Variants in SSBP2 observed in about 807,000 individuals in gnomAD.
The protein encoded by SSBP2 is single stranded DNA binding protein 2.
A neutral mutation model predicts 61.8 loss-of-function variants in SSBP2; 17 were observed. The observed-to-expected ratio is 0.28, with a 90% CI of 0.19 to 0.41. SSBP2 has a LOEUF of 0.41. Among genes scored for constraint, SSBP2 ranks in the 10% least tolerant of loss-of-function variants. SSBP2 has a pLI of 1.00. For synonymous variants in SSBP2, 139 were observed against 141.3 expected, an observed-to-expected ratio of 0.98 and a Z score of 0.12; for missense variants, 310 against 458.7, an observed-to-expected ratio of 0.68 and a Z score of 2.96.
chr5:81,491,781 AAAC>A (rs1171443657), intron 5 of SSBP2, among the ~76,000 whole-genome samples: 1 of 152,230 alleles, frequency 6.6e-6, no homozygotes, highest in Non-Finnish European at 1.5e-5. Context: ...CAAAAAGACA[AAAC>A]AATCGGTTAA....
At chr5:81,435,711 T>C (rs2153942260) in intron 15 of SSBP2, among the ~76,000 whole-genome samples, 1 of 152,354 alleles carries the variant, frequency 6.6e-6, no homozygotes, top group Middle Eastern at 3.4e-3. Context: ...TTTATATCTA[T>C]CTTATGTAAA....
intron 4 of SSBP2, among the ~76,000 whole-genome samples, chr5:81,517,282 A>G (rs1186921374): frequency 6.6e-6 from 1 of 151,592 alleles, no homozygotes; most frequent in Non-Finnish European, 1.5e-5. Context: ...TAACAGATCA[A>G]TTTGCATGCT....
At chr5:81,473,171 A>G (rs1384881457) in intron 8 of SSBP2, among the ~76,000 whole-genome samples, 1 of 152,164 alleles carries the variant, frequency 6.6e-6, no homozygotes, top group Non-Finnish European at 1.5e-5. Flanking sequence ...GTTTGTTTAC[A>G]TATGTGAAGG....
intron 9 of SSBP2, among the ~76,000 whole-genome samples, chr5:81,466,497 C>T (rs1023884847): frequency 6.6e-6 from 1 of 151,824 alleles, no homozygotes; most frequent in Non-Finnish European, 1.5e-5. Context: ...CCCAACAAAG[C>T]AAAAGTAGAG....
intron 12 of SSBP2, 71 bp downstream of exon 12, chr5:81,446,797 T>A: frequency 6.8e-7 from 1 of 1,474,624 alleles, no homozygotes; most frequent in Non-Finnish European, 9.3e-7. Flanking sequence ...CTTTATTTCA[T>A]GAACAATTTC....
chr5:81,457,702 C>T (rs916224498), intron 10 of SSBP2, among the ~76,000 whole-genome samples: 5 of 151,814 alleles, frequency 3.3e-5, no homozygotes, highest in South Asian at 2.1e-4. Flanking sequence ...ACTCTTGTTG[C>T]CCAGGCTGGA....
chr5:81,553,034 C>A (rs1025370028), intron 4 of SSBP2, among the ~76,000 whole-genome samples: 3 of 152,110 alleles, frequency 2.0e-5, no homozygotes, highest in Non-Finnish European at 4.4e-5. Context: ...TAATGAGACT[C>A]CATGACTGCT....
At chr5:81,663,329 A>G (rs550443890) in intron 1 of SSBP2, among the ~76,000 whole-genome samples, 2 of 152,308 alleles carry the variant, frequency 1.3e-5, no homozygotes, top group East Asian at 3.9e-4. Context: ...GACTATATAT[A>G]ACAAATCATT....
chr5:81,574,343 C>T lies in SSBP2; in HGVS notation c.282+41130G>A, dbSNP rs1158682815. On this transcript the variant is annotated intron_variant, in intron 4 of 16. Transcript: ENST00000320672. ...AGCCCAACTGAAAAAAAATAATGGG[C>T]TAAGAAGTCAGAAGAGAATATAAAA... 2.6e-5 allele frequency among the ~76,000 whole-genome samples: 4 copies of T among 150,980 alleles called. No individual in the cohort carries two copies. In the East Asian group the frequency reaches 7.8e-4, roughly 29 times the overall value.
At chr5:81,579,701 T>G (rs1774496882) in intron 4 of SSBP2, among the ~76,000 whole-genome samples, 1 of 152,074 alleles carries the variant, frequency 6.6e-6, no homozygotes, top group East Asian at 1.9e-4. Context: ...CCCTTCCACA[T>G]GCACACACCA....
chr5:81,424,432 C>CATAAATAA (rs144602450), intron 16 of SSBP2, among the ~76,000 whole-genome samples: 86 of 151,368 alleles, frequency 5.7e-4, no homozygotes, highest in African/African-American at 2.0e-3. Context: ...CTCAAAAATA[C>CATAAATAA]ATAAATAAAT....
rs1767636356 is a variant in SSBP2 at position 81,500,631 on chromosome 5, T to C, written c.373-11322A>G. Among the ~76,000 whole-genome samples, 4 of 152,100 alleles carry C rather than the reference T, an allele frequency of 2.6e-5. No individual in the cohort carries two copies. In the South Asian group the frequency reaches 6.2e-4, roughly 24 times the overall value. On this transcript the variant is annotated intron_variant, in intron 5 of 16. Transcript: ENST00000320672. ...GCGTGCCACCATGCCCAGCTAATTTTTGTATTTTTAGTAGAGACGGGATTT... is the reference window on the plus strand; with the variant it reads ...GCGTGCCACCATGCCCAGCTAATTTCTGTATTTTTAGTAGAGACGGGATTT...
At chr5:81,466,583 T>C (rs1764905472) in intron 9 of SSBP2, among the ~76,000 whole-genome samples, 1 of 152,020 alleles carries the variant, frequency 6.6e-6, no homozygotes, top group South Asian at 2.1e-4. Flanking sequence ...GTTAACCGTA[T>C]TCAATTATCT....
chr5:81,636,458 T>C (rs1748240788), intron 3 of SSBP2, 99 bp downstream of exon 3: 1 of 1,017,866 alleles, frequency 9.8e-7, no homozygotes, highest in Non-Finnish European at 1.4e-6. Flanking sequence ...TTTTAGAAAA[T>C]GAAAAAATAA....
chr5:81,439,667 G>GTTTTTTTTT (rs61650905), intron 14 of SSBP2, among the ~76,000 whole-genome samples: 1 of 100,156 alleles, frequency 1.0e-5, no homozygotes, highest in Non-Finnish European at 1.9e-5. Flanking sequence ...TGCCCAGCTA[G>GTTTTTTTTT]TTTTTTTTTT....
At chr5:81,654,323 C>G (rs957722174) in intron 1 of SSBP2, among the ~76,000 whole-genome samples, 10 of 152,144 alleles carry the variant, frequency 6.6e-5, no homozygotes, top group African/African-American at 2.4e-4. Flanking sequence ...GTTAAATTCA[C>G]CTTCTCCATC....
intron 1 of SSBP2, among the ~76,000 whole-genome samples, chr5:81,686,868 A>AAAAAGAAAAGAAAAG (rs1172109276): frequency 8.4e-5 from 5 of 59,468 alleles, no homozygotes; most frequent in Non-Finnish European, 1.2e-4. Context: ...AAAAAAAAAA[A>AAAAAGAAAAGAAAAG]AAAAGAAAAG....
chr5:81,657,047 T>A (rs1404268105), intron 1 of SSBP2, among the ~76,000 whole-genome samples: 4 of 152,172 alleles, frequency 2.6e-5, no homozygotes, highest in African/African-American at 9.6e-5. Flanking sequence ...TATCTTTTAT[T>A]GCAGGCCTTT....
chr5:81,430,983 C>T (rs141878270), intron 15 of SSBP2, among the ~76,000 whole-genome samples: 98 of 152,148 alleles, frequency 6.4e-4, no homozygotes, highest in Non-Finnish European at 1.1e-3. Flanking sequence ...TTGTGCTGTC[C>T]GTAATCGCTG....
Sources: gnomAD v4.1 joint callset for allele counts (sites outside exome capture counted in the v4.1 genomes callset) on GRCh38, gnomAD v4.1.1 for gene constraint, MANE v1.5 for transcripts, NCBI Gene and HGNC (gene_info 2026-07-23, HGNC 2026-07-21) for gene names.